Variants in PCDH9 observed in about 807,000 individuals in gnomAD.
PCDH9 encodes the protein protocadherin 9.
Under a neutral mutation model 70.6 loss-of-function variants are expected in PCDH9, and 24 were observed. The ratio of observed to expected loss-of-function variants is 0.34; its 90% CI spans 0.25 to 0.48. PCDH9 has a LOEUF of 0.48. Among genes scored for constraint, PCDH9 ranks in the 20% least tolerant of loss-of-function variants. PCDH9 has a pLI of 0.99. For missense variants in PCDH9, 1,281 were observed against 1,503.6 expected (o/e 0.85, Z 2.45); for synonymous variants, 562 against 558.5 (o/e 1.01, Z -0.09).
intron 2 of PCDH9, among the ~76,000 whole-genome samples, chr13:66,960,639 G>C (rs2083330922): frequency 6.6e-6 from 1 of 152,082 alleles, no homozygotes; most frequent in South Asian, 2.1e-4. Context: ...AAATATTTTA[G>C]CCATTGATGT....
chr13:66,966,175 T>A (rs2083432002), intron 2 of PCDH9, among the ~76,000 whole-genome samples: 1 of 152,136 alleles, frequency 6.6e-6, no homozygotes, highest in East Asian at 1.9e-4. Context: ...AGCAACTCAG[T>A]ACACACAAAA....
At chr13:66,979,418 T>A (rs917876413) in intron 2 of PCDH9, among the ~76,000 whole-genome samples, 1 of 152,214 alleles carries the variant, frequency 6.6e-6, no homozygotes, top group Non-Finnish European at 1.5e-5. Context: ...TATTACCTTA[T>A]TCATTATAAA....
chr13:66,876,938 A>C (rs568740757), intron 3 of PCDH9: 1 of 152,218 alleles, frequency 6.6e-6, no homozygotes, highest in South Asian at 2.1e-4. Context: ...TTTACAATCT[A>C]ACTATGAAAA....
intron 4 of PCDH9, among the ~76,000 whole-genome samples, chr13:66,497,029 A>G (rs1398771812): frequency 6.6e-6 from 1 of 151,776 alleles, no homozygotes; most frequent in African/African-American, 2.4e-5. Flanking sequence ...TGTTTCAACA[A>G]TTTTATTTTT....
At chr13:66,717,248 G>C (rs908572753) in intron 3 of PCDH9, among the ~76,000 whole-genome samples, 1 of 151,338 alleles carries the variant, frequency 6.6e-6, no homozygotes, top group South Asian at 2.1e-4. Flanking sequence ...CTGAGGTCAG[G>C]AGTTCAAGAC....
chr13:66,844,232 G>A (rs969092711), intron 3 of PCDH9, among the ~76,000 whole-genome samples: 1 of 151,986 alleles, frequency 6.6e-6, no homozygotes, highest in Admixed American at 6.6e-5. Context: ...ATGAATCAGT[G>A]GATAAAATTT....
chr13:66,610,650 G>T (rs903867696), intron 4 of PCDH9, among the ~76,000 whole-genome samples: 7 of 152,114 alleles, frequency 4.6e-5, no homozygotes, highest in Non-Finnish European at 7.4e-5. Flanking sequence ...TATGACTTAG[G>T]AGAGATTACT....
intron 4 of PCDH9, among the ~76,000 whole-genome samples, chr13:66,486,093 T>C (rs1265375282): frequency 3.9e-5 from 6 of 152,072 alleles, no homozygotes; most frequent in Non-Finnish European, 8.8e-5. Flanking sequence ...ATGATACAAG[T>C]CAAGTCTAGT....
chr13:66,898,617 AT>A (rs1447838495), intron 3 of PCDH9, among the ~76,000 whole-genome samples: 1 of 152,054 alleles, frequency 6.6e-6, no homozygotes, highest in Non-Finnish European at 1.5e-5. Context: ...AATATTCATA[AT>A]ACAGCAATAA....
At chr13:66,887,208 A>T (rs774918491) in intron 3 of PCDH9, among the ~76,000 whole-genome samples, 7 of 151,752 alleles carry the variant, frequency 4.6e-5, no homozygotes, top group Admixed American at 1.3e-4. Flanking sequence ...TCTATTAGTG[A>T]ATGTCTGGGC....
chr13:66,932,359 C>T (rs1462940832), intron 2 of PCDH9, among the ~76,000 whole-genome samples: 1 of 152,072 alleles, frequency 6.6e-6, no homozygotes, highest in Admixed American at 6.6e-5. Flanking sequence ...AAGAAACGAA[C>T]TCGTGGAGTC....
chr13:66,532,813 C>T (rs1016025210), intron 4 of PCDH9, among the ~76,000 whole-genome samples: 23 of 152,114 alleles, frequency 1.5e-4, no homozygotes, highest in Non-Finnish European at 2.9e-4. Context: ...CCATTCTCCT[C>T]GGTCTTTTCT....
intron 4 of PCDH9, among the ~76,000 whole-genome samples, chr13:66,612,046 A>T (rs559249125): frequency 2.0e-5 from 3 of 152,326 alleles, no homozygotes; most frequent in South Asian, 4.1e-4. Context: ...ATTTGCTGGG[A>T]TATTTAAACT....
At chr13:66,481,040 A>C (rs1188795121) in intron 4 of PCDH9, among the ~76,000 whole-genome samples, 1 of 152,006 alleles carries the variant, frequency 6.6e-6, no homozygotes, top group East Asian at 1.9e-4. Context: ...AATCATCAGC[A>C]AACTAACACA....
intron 4 of PCDH9, among the ~76,000 whole-genome samples, chr13:66,431,413 G>A (rs1235437358): frequency 1.3e-5 from 2 of 151,830 alleles, no homozygotes; most frequent in African/African-American, 4.8e-5. Context: ...CCAGTAAATG[G>A]CAGAGATGAG....
In PCDH9 at chr13:67,112,681, C is replaced by T. The variant is rs1342155642; in HGVS notation, c.3036+112724G>A. ...TCCCTTCCTCCCTCCCTTCCTCCCTCGCTCCCTTCTTCCTTTCCTCCCTTT... is the reference window on the plus strand; with the variant it reads ...TCCCTTCCTCCCTCCCTTCCTCCCTTGCTCCCTTCTTCCTTTCCTCCCTTT... On this transcript the variant is annotated intron_variant, in intron 2 of 4. Coordinates refer to ENST00000377865, the MANE Select transcript of PCDH9 (RefSeq NM_203487.3). Among the ~76,000 whole-genome samples the T allele has an allele frequency of 6.6e-5, 10 of 151,374 alleles. No homozygotes were observed. The East Asian group carries it at 1.2e-3, about 18-fold the overall frequency.
chr13:66,842,778 G>A (rs923968130), intron 3 of PCDH9, among the ~76,000 whole-genome samples: 1 of 152,114 alleles, frequency 6.6e-6, no homozygotes, highest in African/African-American at 2.4e-5. Context: ...ACTATTCCAA[G>A]CACTAATGAA....
intron 2 of PCDH9, among the ~76,000 whole-genome samples, chr13:67,191,906 A>T (rs1363455864): frequency 6.6e-6 from 1 of 152,112 alleles, no homozygotes; most frequent in Non-Finnish European, 1.5e-5. Context: ...GATCCTAAAC[A>T]AGCCACTTTA....
intron 4 of PCDH9, among the ~76,000 whole-genome samples, chr13:66,535,353 G>T (rs981613974): frequency 2.6e-5 from 4 of 151,764 alleles, no homozygotes; most frequent in African/African-American, 9.7e-5. Context: ...TTTAAAAAAA[G>T]AAACAGAGTA....
Sources: allele counts gnomAD v4.1 joint callset (sites outside exome capture counted in the v4.1 genomes callset), GRCh38; gene constraint gnomAD v4.1.1; transcripts MANE v1.5; gene names NCBI Gene and HGNC (gene_info 2026-07-23, HGNC 2026-07-21).